Variants in SCN1A observed in about 807,000 individuals in gnomAD.
SCN1A encodes the protein sodium voltage-gated channel alpha subunit 1.
SCN1A carries 13 observed loss-of-function variants against 193.7 expected under a neutral mutation model. The observed-to-expected ratio is 0.07, with a 90% CI of 0.04 to 0.11. SCN1A has a LOEUF of 0.11. SCN1A is among the 10% of genes least tolerant of loss of function. The pLI is 1.00. For missense variants in SCN1A, 1,432 were observed against 2,451.1 expected (o/e 0.58, Z 8.78); for synonymous variants, 781 against 843.6 (o/e 0.93, Z 1.29).
At chr2:166,067,812 C>T (rs1292459067) in intron 4 of SCN1A, among the ~76,000 whole-genome samples, 1 of 150,694 alleles carries the variant, frequency 6.6e-6, no homozygotes, top group Non-Finnish European at 1.5e-5. Flanking sequence ...GTGGAGCTGA[C>T]CCACCCCTTG....
intron 1 of SCN1A, among the ~76,000 whole-genome samples, chr2:166,142,257 C>T (rs6432877): frequency 2.6e-5 from 4 of 151,942 alleles, no homozygotes; most frequent in South Asian, 2.1e-4. Flanking sequence ...AAGATAAAAC[C>T]AAATAGTTTG....
chr2:166,033,288 A>G (rs1695876506), intron 19 of SCN1A, among the ~76,000 whole-genome samples: 1 of 152,188 alleles, frequency 6.6e-6, no homozygotes, highest in Non-Finnish European at 1.5e-5. Context: ...GACTTCAGAC[A>G]CTATGCCCAT....
intron 19 of SCN1A, among the ~76,000 whole-genome samples, chr2:166,022,201 T>C: frequency 6.6e-6 from 1 of 152,002 alleles, no homozygotes; most frequent in East Asian, 1.9e-4. Flanking sequence ...GTGTGGTGAA[T>C]ATAGGGGAAA....
At chr2:166,131,069 A>T (rs199785222), upstream of SCN1A, among the ~76,000 whole-genome samples, 1,749 of 76,796 alleles carry the variant, frequency 0.023, 102 homozygotes, top group Admixed American at 0.19. Context: ...CATTTTATTT[A>T]TTTTTTTGTA....
chr2:166,148,783 T>C (rs771567128), intron 1 of SCN1A, among the ~76,000 whole-genome samples: 4 of 152,176 alleles, frequency 2.6e-5, no homozygotes, highest in African/African-American at 9.6e-5. Context: ...TCCAATCAAA[T>C]AAATTGTATT....
intron 19 of SCN1A, among the ~76,000 whole-genome samples, chr2:166,025,819 C>A (rs754129448): frequency 6.6e-6 from 1 of 152,040 alleles, no homozygotes; most frequent in Non-Finnish European, 1.5e-5. Flanking sequence ...TAGGTTCTTT[C>A]ATCCCTTCTT....
chr2:166,047,831 G>C (rs1351785612), intron 10 of SCN1A, 63 bp from the exon 11 acceptor site: 1 of 1,599,286 alleles, frequency 6.3e-7, no homozygotes, highest in Admixed American at 1.7e-5. Context: ...CTGATACTAT[G>C]CTATGATATT....
At chr2:166,110,263 A>C (rs1689154182) in intron 2 of SCN1A, among the ~76,000 whole-genome samples, 1 of 152,176 alleles carries the variant, frequency 6.6e-6, no homozygotes, top group South Asian at 2.1e-4. Context: ...TAAAAGCTAG[A>C]AATAATTAAG....
intron 4 of SCN1A, chr2:166,060,447 C>G (rs13398150): frequency 0.48 from 73,279 of 151,938 alleles, 18,346 homozygotes; most frequent in South Asian, 0.56. Context: ...GAGCATGTAA[C>G]GACACAGAAA....
chr2:165,986,735 C>A lies in SCN1A; in HGVS notation c.*4510G>T, dbSNP rs992381245. On this transcript the variant is annotated 3_prime_UTR_variant, in exon 29 of 29. Coordinates refer to ENST00000674923, the MANE Select transcript of SCN1A (RefSeq NM_001165963.4). ...AAATCCTCCCCTTTCTAAAGACACA[C>A]ACACATCTATACTTTTATCTATGTC... The A allele has an allele frequency of 6.7e-6, 1 of 149,602 alleles. No individual in the cohort carries two copies. Among genetic ancestry groups the A allele is most frequent in the Non-Finnish European group, 1.5e-5 (1 of 67,536 alleles). 9.3% of individuals were successfully genotyped at this position (149,602 alleles called of 1,614,324 possible). A position where few individuals can be genotyped will look rare whatever the true frequency, so the allele number is the denominator to read the frequency against.
At chr2:166,094,415 A>T (rs952780235) in intron 2 of SCN1A, among the ~76,000 whole-genome samples, 3 of 152,324 alleles carry the variant, frequency 2.0e-5, no homozygotes, top group South Asian at 2.1e-4. Flanking sequence ...TGTGCCCAGA[A>T]TATTAAATTG....
intron 23 of SCN1A, among the ~76,000 whole-genome samples, chr2:166,007,013 C>G (rs1177020419): frequency 6.6e-6 from 1 of 150,810 alleles, no homozygotes; most frequent in Non-Finnish European, 1.5e-5. Flanking sequence ...ATAAAGATAT[C>G]AACCATTGGG....
intron 2 of SCN1A, among the ~76,000 whole-genome samples, chr2:166,097,624 C>T (rs1457626701): frequency 6.6e-6 from 1 of 152,200 alleles, no homozygotes; most frequent in Non-Finnish European, 1.5e-5. Context: ...CCCTGTCACC[C>T]AGGCTGGCGT....
chr2:166,072,982 T>G (rs887277801), intron 4 of SCN1A, among the ~76,000 whole-genome samples: 1 of 151,806 alleles, frequency 6.6e-6, no homozygotes, highest in Non-Finnish European at 1.5e-5. Flanking sequence ...TGGGACTACA[T>G]GCGTGTGCCA....
chr2:166,026,679 C>CTTTTT (rs35750460), intron 19 of SCN1A, among the ~76,000 whole-genome samples: 383 of 97,682 alleles, frequency 3.9e-3, no homozygotes, highest in African/African-American at 4.9e-3. Flanking sequence ...TTCTTTCTTT[C>CTTTTT]TTTTTTTTTT....
chr2:166,066,588 C>T (rs974566693), intron 4 of SCN1A, among the ~76,000 whole-genome samples: 50 of 152,190 alleles, frequency 3.3e-4, no homozygotes, highest in Non-Finnish European at 2.8e-4. Flanking sequence ...TTCTGTTTCT[C>T]CAAAGCATGG....
At chr2:166,146,012 A>G (rs1692306994) in intron 1 of SCN1A, among the ~76,000 whole-genome samples, 2 of 152,214 alleles carry the variant, frequency 1.3e-5, no homozygotes, top group Admixed American at 1.3e-4. Context: ...AGAAGCCCAC[A>G]TCTTTAATAA....
At chr2:166,124,805 A>G (rs915721917) in intron 2 of SCN1A, among the ~76,000 whole-genome samples, 5 of 152,314 alleles carry the variant, frequency 3.3e-5, no homozygotes, top group African/African-American at 1.2e-4. Context: ...TACTAACTGT[A>G]TAACCCAGCA....
intron 4 of SCN1A, among the ~76,000 whole-genome samples, chr2:166,059,978 G>A (rs1683118391): frequency 2.0e-5 from 3 of 152,040 alleles, no homozygotes. Flanking sequence ...GTATAGATAT[G>A]GAGAGTCCAT....
Sources: allele counts gnomAD v4.1 joint callset (sites outside exome capture counted in the v4.1 genomes callset), GRCh38; gene constraint gnomAD v4.1.1; transcripts MANE v1.5; gene names NCBI Gene and HGNC (gene_info 2026-07-23, HGNC 2026-07-21).